The following CACNA2D3 variants were observed in gnomAD, a reference collection of about 807,000 sequenced individuals.
CACNA2D3 encodes voltage-dependent calcium channel subunit alpha-2/delta-3.
CACNA2D3 carries 60 observed loss-of-function variants against 160.6 expected under a neutral mutation model. That is an observed-to-expected ratio of 0.37 (90% CI 0.30 to 0.46). The LOEUF (loss-of-function observed/expected upper bound fraction) is 0.46. Among genes scored for constraint, CACNA2D3 ranks in the 20% least tolerant of loss-of-function variants. The pLI is 1.00. For synonymous variants in CACNA2D3, 558 were observed against 492.9 expected (o/e 1.13, Z -1.75); for missense variants, 1,205 against 1,365.0 (o/e 0.88, Z 1.85).
intron 27 of CACNA2D3, among the ~76,000 whole-genome samples, chr3:54,964,385 A>G (rs1702096846): frequency 1.4e-5 from 2 of 148,140 alleles, no homozygotes; most frequent in Admixed American, 1.4e-4. Context: ...ACTGTCTAAA[A>G]CATTACAAAC....
intron 5 of CACNA2D3, among the ~76,000 whole-genome samples, chr3:54,516,697 T>G (rs1432041892): frequency 6.6e-6 from 1 of 152,112 alleles, no homozygotes; most frequent in Non-Finnish European, 1.5e-5. Context: ...AGCGGTTGAG[T>G]CCACGCGACC....
chr3:54,252,725 C>G (rs9850014), intron 2 of CACNA2D3, among the ~76,000 whole-genome samples: 61,603 of 152,018 alleles, frequency 0.41, 12,579 homozygotes, highest in African/African-American at 0.42. Context: ...GTCCCCCCAG[C>G]TTGTTTGTTG....
At chr3:55,012,089 G>A (rs925568952) in intron 34 of CACNA2D3, among the ~76,000 whole-genome samples, 5 of 152,198 alleles carry the variant, frequency 3.3e-5, no homozygotes, top group Non-Finnish European at 7.3e-5. Flanking sequence ...TTGGAACCTA[G>A]TGGTTAGGCA....
At chr3:54,630,976 C>T (rs1024923941) in intron 10 of CACNA2D3, among the ~76,000 whole-genome samples, 6 of 152,082 alleles carry the variant, frequency 3.9e-5, no homozygotes, top group Admixed American at 2.6e-4. Context: ...GCGAGGTGGG[C>T]GGATCACCAG....
At chr3:54,239,160 G>T (rs2107405129) in intron 2 of CACNA2D3, among the ~76,000 whole-genome samples, 1 of 152,342 alleles carries the variant, frequency 6.6e-6, no homozygotes, top group Admixed American at 6.5e-5. Flanking sequence ...CTAAGTCCCA[G>T]CTCTGGGGTA....
intron 11 of CACNA2D3, among the ~76,000 whole-genome samples, chr3:54,643,441 A>G (rs1218242799): frequency 6.6e-6 from 1 of 152,016 alleles, no homozygotes; most frequent in African/African-American, 2.4e-5. Context: ...CCTGCTATCC[A>G]GTCTTGAAAA....
At chr3:54,363,976 C>T (rs1330324691) in intron 3 of CACNA2D3, among the ~76,000 whole-genome samples, 1 of 152,160 alleles carries the variant, frequency 6.6e-6, no homozygotes, top group Non-Finnish European at 1.5e-5. Context: ...ACCTCCAATT[C>T]TAGATAGAGA....
At chr3:54,851,510 C>T (rs1699057465) in intron 17 of CACNA2D3, among the ~76,000 whole-genome samples, 1 of 152,208 alleles carries the variant, frequency 6.6e-6, no homozygotes, top group African/African-American at 2.4e-5. Context: ...TAAGTTCACT[C>T]TGCTGCGTGG....
rs77191632 is a variant in CACNA2D3, at chr3:54,570,621, T to A, written c.888+517T>A. Reference sequence around the variant, plus strand: ...AAGGTGGCATTTATTAAATGCCTGCTTTTAATAAATGCCTTAATCTTCATA... The same window carrying A: ...AAGGTGGCATTTATTAAATGCCTGCATTTAATAAATGCCTTAATCTTCATA... On this transcript the variant is annotated intron_variant, in intron 8 of 37. Transcript: ENST00000474759. Among the ~76,000 whole-genome samples, 3,038 of 152,264 alleles carry A rather than the reference T, an allele frequency of 0.02. 152 individuals carry two copies. In the East Asian group the frequency reaches 0.2, roughly 10 times the overall value.
chr3:54,942,332 C>T (rs1029873108), intron 27 of CACNA2D3, among the ~76,000 whole-genome samples: 4 of 152,182 alleles, frequency 2.6e-5, no homozygotes, highest in Admixed American at 2.6e-4. Context: ...TAGGGGCTGA[C>T]CTCTCCCCCT....
At chr3:54,796,400 T>C (rs559792157) in intron 13 of CACNA2D3, among the ~76,000 whole-genome samples, 2 of 152,244 alleles carry the variant, frequency 1.3e-5, no homozygotes, top group South Asian at 2.1e-4. Flanking sequence ...TGAGTTCTCA[T>C]TGTTAGCCAC....
At chr3:54,642,702 C>G (rs543570072) in intron 11 of CACNA2D3, among the ~76,000 whole-genome samples, 6 of 152,250 alleles carry the variant, frequency 3.9e-5, no homozygotes, top group African/African-American at 1.4e-4. Flanking sequence ...CTGTTCTTCA[C>G]CATTGTCAGA....
At chr3:54,857,574 ACC>A (rs1699200473) in intron 17 of CACNA2D3, among the ~76,000 whole-genome samples, 1 of 152,056 alleles carries the variant, frequency 6.6e-6, no homozygotes, top group Non-Finnish European at 1.5e-5. Context: ...ACATGCCTGC[ACC>A]CTGTTGGCTG....
At chr3:54,630,592 G>A (rs993955035) in intron 10 of CACNA2D3, among the ~76,000 whole-genome samples, 1 of 152,138 alleles carries the variant, frequency 6.6e-6, no homozygotes, top group Admixed American at 6.5e-5. Context: ...TACTAACCCA[G>A]GAACACTTTA....
At chr3:54,561,963 C>T (rs1370846870) in intron 5 of CACNA2D3, among the ~76,000 whole-genome samples, 2 of 152,086 alleles carry the variant, frequency 1.3e-5, no homozygotes, top group African/African-American at 4.8e-5. Flanking sequence ...TAGGGGAGTG[C>T]CCCTTTATAA....
At chr3:54,917,373 G>A (rs570897252) in intron 27 of CACNA2D3, among the ~76,000 whole-genome samples, 3 of 152,254 alleles carry the variant, frequency 2.0e-5, no homozygotes, top group East Asian at 1.9e-4. Flanking sequence ...GATAGCTGCC[G>A]CCACCTATCT....
rs757903910 is a variant in CACNA2D3 at position 54,880,798 on chromosome 3, T to C, written c.1847T>C (p.Leu616Ser). The C allele has an allele frequency of 6.2e-7, 1 of 1,613,614 alleles. No individual in the cohort carries two copies. The highest frequency in any genetic ancestry group is 8.5e-7 in the Non-Finnish European group (1 of 1,179,548). ...ATTTGCTTTGTCTCTCTGCACAGTTTAGGTGTGGCGCTTTCCAGAGGTCAT... is the reference window on the plus strand; with the variant it reads ...ATTTGCTTTGTCTCTCTGCACAGTTCAGGTGTGGCGCTTTCCAGAGGTCAT... ...YTDIKGTPFS[L>S]GVALSRGHGK... Residue 616 changes from leucine to serine, a missense_variant and splice_region_variant, in exon 21 of 38, where the codon TTA becomes TCA. Physicochemically the swap from Leu to Ser is moderately radical, Grantham distance 145 (BLOSUM62 -2). This residue lies in a region of CACNA2D3 where 911 missense variants were observed against 1,002.2 expected (regional missense o/e 0.91). Coordinates refer to ENST00000474759, the MANE Select transcript of CACNA2D3 (RefSeq NM_018398.3).
At chr3:54,380,118 C>G (rs1003571039) in intron 3 of CACNA2D3, among the ~76,000 whole-genome samples, 14 of 152,160 alleles carry the variant, frequency 9.2e-5, no homozygotes, top group African/African-American at 2.9e-4. Context: ...TGTAACAGTT[C>G]TTAAATGGAT....
At position 54,795,737 on chromosome 3, in the gene CACNA2D3, G is replaced by C. The variant is rs192522525; in HGVS notation, c.1381-21116G>C. Among the ~76,000 whole-genome samples, 19 of 152,188 alleles carry C rather than the reference G, an allele frequency of 1.2e-4. No homozygotes were observed. The East Asian group carries it at 3.5e-3, about 28-fold the overall frequency. On this transcript the variant is annotated intron_variant, in intron 13 of 37. Coordinates refer to ENST00000474759, the MANE Select transcript of CACNA2D3 (RefSeq NM_018398.3). Reference sequence around the variant, plus strand: ...GCAAATCTGCCTCTTTGAGGTTTGGGCCCAAGAGCCACTGATAAGACCTGA... The same window carrying C: ...GCAAATCTGCCTCTTTGAGGTTTGGCCCCAAGAGCCACTGATAAGACCTGA...
Sources: allele counts gnomAD v4.1 joint callset (sites outside exome capture counted in the v4.1 genomes callset), GRCh38; gene constraint gnomAD v4.1.1; regional missense constraint gnomAD v4.1.1; transcripts MANE v1.5; gene names NCBI Gene and HGNC (gene_info 2026-07-23, HGNC 2026-07-21).